The following KCNN2 variants were observed in gnomAD, a reference collection of about 807,000 sequenced individuals.
KCNN2 encodes potassium calcium-activated channel subfamily N member 2, also known as small conductance calcium-activated potassium channel protein 2.
A neutral mutation model predicts 55.5 loss-of-function variants in KCNN2; 24 were observed. That is an observed-to-expected ratio of 0.43 (90% CI 0.31 to 0.61). The LOEUF is 0.61. Among genes scored for constraint, KCNN2 ranks in the 20% least tolerant of loss-of-function variants. The pLI, the probability that KCNN2 is intolerant of heterozygous loss-of-function variation, is 0.08. For missense variants in KCNN2, 754 were observed against 853.6 expected, an observed-to-expected ratio of 0.88 and a Z score of 1.45; for synonymous variants, 431 against 336.1, an observed-to-expected ratio of 1.28 and a Z score of -3.09.
intron 1 of KCNN2, among the ~76,000 whole-genome samples, chr5:114,056,916 T>C (rs1285366776): frequency 1.3e-5 from 2 of 152,212 alleles, no homozygotes; most frequent in Non-Finnish European, 2.9e-5. Flanking sequence ...GGTTGTGATT[T>C]TTCTGTGTAA....
intron 2 of KCNN2, among the ~76,000 whole-genome samples, chr5:114,313,993 A>G (rs2150027025): frequency 6.6e-6 from 1 of 152,214 alleles, no homozygotes; most frequent in Non-Finnish European, 1.5e-5. Flanking sequence ...ACTTCGATGA[A>G]CGTTTCTTTT....
intron 7 of KCNN2, 80 bp from the exon 8 acceptor site, chr5:114,495,815 C>A: frequency 7.4e-7 from 1 of 1,347,750 alleles, no homozygotes; most frequent in Non-Finnish European, 1.0e-6. Context: ...CAGCAAGAGA[C>A]CAGAGCTAAA....
At chr5:114,174,977 A>G (rs754529067) in intron 1 of KCNN2, among the ~76,000 whole-genome samples, 1 of 152,182 alleles carries the variant, frequency 6.6e-6, no homozygotes, top group Non-Finnish European at 1.5e-5. Context: ...AAAATCCTCA[A>G]GAAATAATTA....
intron 2 of KCNN2, among the ~76,000 whole-genome samples, chr5:114,259,800 T>G (rs1755066344): frequency 6.6e-6 from 1 of 152,226 alleles, no homozygotes; most frequent in African/African-American, 2.4e-5. Context: ...TGTTTCCTTC[T>G]TTTGCTGTGC....
At chr5:114,179,328 T>C (rs2112551469) in intron 1 of KCNN2, among the ~76,000 whole-genome samples, 1 of 152,340 alleles carries the variant, frequency 6.6e-6, no homozygotes, top group Non-Finnish European at 1.5e-5. Flanking sequence ...GGCTGGAGGC[T>C]TCAGTTCCTT....
chr5:114,108,796 G>C (rs112163986), intron 1 of KCNN2, among the ~76,000 whole-genome samples: 3 of 151,598 alleles, frequency 2.0e-5, no homozygotes, highest in African/African-American at 7.3e-5. Context: ...ATTGTTTTCA[G>C]TTTGGGGCTT....
At chr5:114,182,135 A>G (rs964884809) in intron 1 of KCNN2, among the ~76,000 whole-genome samples, 5 of 152,126 alleles carry the variant, frequency 3.3e-5, no homozygotes, top group African/African-American at 7.2e-5. Flanking sequence ...GCATTAAATT[A>G]CTTTGGATTC....
intron 2 of KCNN2, among the ~76,000 whole-genome samples, chr5:114,319,376 G>A (rs189965366): frequency 6.6e-6 from 1 of 152,268 alleles, no homozygotes; most frequent in East Asian, 1.9e-4. Context: ...ATATCTCCGT[G>A]CAGTTCATAC....
chr5:114,187,534 C>A (rs182841753), intron 1 of KCNN2, among the ~76,000 whole-genome samples: 1,260 of 119,982 alleles, frequency 0.011, 13 homozygotes, highest in Middle Eastern at 0.078. Flanking sequence ...GAGCGGAAGT[C>A]TTACTCTGTC....
intron 1 of KCNN2, among the ~76,000 whole-genome samples, chr5:114,206,970 A>C (rs774877830): frequency 6.6e-6 from 1 of 152,124 alleles, no homozygotes; most frequent in Non-Finnish European, 1.5e-5. Context: ...TATTTCTCAG[A>C]CTTAGAATTC....
intron 2 of KCNN2, among the ~76,000 whole-genome samples, chr5:114,332,961 T>C (rs922323664): frequency 6.6e-6 from 1 of 152,154 alleles, no homozygotes; most frequent in Admixed American, 6.5e-5. Context: ...GAAATTCCAT[T>C]TCTTCCTGCC....
chr5:114,417,815 A>G (rs1451634445), intron 3 of KCNN2, among the ~76,000 whole-genome samples: 1 of 152,156 alleles, frequency 6.6e-6, no homozygotes, highest in East Asian at 1.9e-4. Flanking sequence ...CCATGTAAAA[A>G]TGGGGGTACA....
chr5:114,135,536 C>G (rs930564215), intron 1 of KCNN2, among the ~76,000 whole-genome samples: 1 of 152,168 alleles, frequency 6.6e-6, no homozygotes, highest in Non-Finnish European at 1.5e-5. Context: ...ACAAGCCTAA[C>G]ATACAACATC....
At chr5:114,218,430 C>G (rs1754054096) in intron 1 of KCNN2, among the ~76,000 whole-genome samples, 1 of 152,070 alleles carries the variant, frequency 6.6e-6, no homozygotes, top group Non-Finnish European at 1.5e-5. Context: ...AGCTATCAAG[C>G]CATGAAAGGA....
intron 1 of KCNN2, among the ~76,000 whole-genome samples, chr5:114,210,781 T>C (rs1580622284): frequency 6.6e-6 from 1 of 152,214 alleles, no homozygotes; most frequent in Non-Finnish European, 1.5e-5. Context: ...AAATGTTCAC[T>C]GTTTTATTAG....
intron 1 of KCNN2, among the ~76,000 whole-genome samples, chr5:114,166,786 G>C (rs570943505): frequency 6.6e-6 from 1 of 152,210 alleles, no homozygotes; most frequent in Admixed American, 6.5e-5. Flanking sequence ...TATTAGGGGG[G>C]TAGGGCCTTT....
At chr5:114,155,943 TA>T (rs1392006675) in intron 1 of KCNN2, among the ~76,000 whole-genome samples, 5 of 152,076 alleles carry the variant, frequency 3.3e-5, no homozygotes, top group African/African-American at 1.2e-4. Flanking sequence ...TCTTCATCAT[TA>T]AATCTTTGCC....
intron 2 of KCNN2, among the ~76,000 whole-genome samples, chr5:114,337,255 T>TA (rs1756938625): frequency 1.3e-5 from 2 of 152,246 alleles, no homozygotes; most frequent in South Asian, 4.1e-4. Context: ...GTGGGGGTTA[T>TA]AAATAGACAT....
intron 2 of KCNN2, among the ~76,000 whole-genome samples, chr5:114,280,234 C>A (rs540875805): frequency 6.6e-6 from 1 of 152,174 alleles, no homozygotes; most frequent in Non-Finnish European, 1.5e-5. Context: ...TAAAAATTTT[C>A]TCCTATTCTG....
Sources: allele counts gnomAD v4.1 joint callset (sites outside exome capture counted in the v4.1 genomes callset), GRCh38; gene constraint gnomAD v4.1.1; transcripts MANE v1.5; gene names NCBI Gene and HGNC (gene_info 2026-07-23, HGNC 2026-07-21).